KCNJ3: variants seen among roughly 807,000 people sequenced by gnomAD.
KCNJ3 encodes G protein-activated inward rectifier potassium channel 1.
In KCNJ3, 4 loss-of-function variants were observed where a neutral mutation model predicts 39.2. The observed-to-expected ratio is 0.10, with a 90% CI of 0.05 to 0.23. The LOEUF is 0.23. KCNJ3 is among the 10% of genes least tolerant of loss of function. The probability of loss-of-function intolerance (pLI) is 1.00; values close to 1 mark genes in which losing one functional copy is unlikely to be tolerated. For synonymous variants in KCNJ3, 230 were observed against 237.4 expected, an observed-to-expected ratio of 0.97 and a Z score of 0.29; for missense variants, 276 against 634.9, an observed-to-expected ratio of 0.43 and a Z score of 6.08.
intron 2 of KCNJ3, among the ~76,000 whole-genome samples, chr2:154,814,604 T>TCC (rs1342547672): frequency 1.3e-5 from 2 of 151,944 alleles, no homozygotes; most frequent in Non-Finnish European, 2.9e-5. Context: ...GCCACTGTGC[T>TCC]CCAGCCTGGG....
chr2:154,712,456 G>A lies in KCNJ3; in HGVS notation c.919+2637G>A, dbSNP rs554830630. On this transcript the variant is annotated intron_variant, in intron 2 of 2. Transcript: ENST00000295101. ...TTTCACTACTTTGTGAATAAAGTTA[G>A]CTGATGTAACTTTCTATCATATTTA... is the stretch of plus-strand genomic sequence containing the variant. Among the ~76,000 whole-genome samples the A allele has an allele frequency of 3.0e-3, 459 of 152,260 alleles. 2 individuals carry two copies. Among genetic ancestry groups the A allele is most frequent in the African/African-American group, 0.011 (442 of 41,540 alleles).
At chr2:154,735,339 T>A (rs113831020) in intron 2 of KCNJ3, among the ~76,000 whole-genome samples, 10,792 of 151,562 alleles carry the variant, frequency 0.071, 995 homozygotes, top group African/African-American at 0.21. Context: ...TGGTCTGGAT[T>A]TCCTGACCTC....
intron 2 of KCNJ3, among the ~76,000 whole-genome samples, chr2:154,846,996 A>G (rs966231575): frequency 2.0e-5 from 3 of 152,142 alleles, no homozygotes; most frequent in Non-Finnish European, 2.9e-5. Context: ...GCTTGTAAAT[A>G]ATAGAGGATA....
Position 154,699,627 on chromosome 2 carries a change from T to C in KCNJ3, c.702+150T>C. 1 of 1,179,110 alleles carries C rather than the reference T, an allele frequency of 8.5e-7. No individual in the cohort carries two copies. Among genetic ancestry groups the C allele is most frequent in the Non-Finnish European group, 1.2e-6 (1 of 864,332 alleles). The allele number at this position is 1,179,110 out of a possible 1,614,324, so 73.0% of individuals were successfully genotyped here. On this transcript the variant is annotated intron_variant, in intron 1 of 2. Coordinates refer to ENST00000295101, the MANE Select transcript of KCNJ3 (RefSeq NM_002239.4). This position sits in a 1 kb window ranked among gnomAD's most constrained non-coding sequence, Gnocchi z 6.4. Reference sequence around the variant, plus strand: ...TTTGGGGGGTTGGGGGTTGGAGGACTGGGCAAAGAATGCGGTTGACAGTTC... The same window carrying C: ...TTTGGGGGGTTGGGGGTTGGAGGACCGGGCAAAGAATGCGGTTGACAGTTC...
At chr2:154,848,644 A>G (rs1282875964) in intron 2 of KCNJ3, among the ~76,000 whole-genome samples, 1 of 152,196 alleles carries the variant, frequency 6.6e-6, no homozygotes, top group East Asian at 1.9e-4. Flanking sequence ...ATTGCATACA[A>G]TATCTCATAA....
chr2:154,821,120 G>T (rs1687165175), intron 2 of KCNJ3, among the ~76,000 whole-genome samples: 1 of 152,194 alleles, frequency 6.6e-6, no homozygotes, highest in African/African-American at 2.4e-5. Flanking sequence ...GCCCAGTCAA[G>T]CTGGCCCTCA....
At chr2:154,769,525 C>G (rs978658127) in intron 2 of KCNJ3, among the ~76,000 whole-genome samples, 4 of 152,124 alleles carry the variant, frequency 2.6e-5, no homozygotes, top group Non-Finnish European at 5.9e-5. Flanking sequence ...CCTTACATCC[C>G]ACGGATGAAG....
chr2:154,730,559 GT>G (rs1685432518), intron 2 of KCNJ3, among the ~76,000 whole-genome samples: 1 of 152,070 alleles, frequency 6.6e-6, no homozygotes, highest in African/African-American at 2.4e-5. Context: ...AAATTATTAG[GT>G]TTAGTGATTC....
At chr2:154,810,061 T>C (rs901963845) in intron 2 of KCNJ3, among the ~76,000 whole-genome samples, 21 of 106,666 alleles carry the variant, frequency 2.0e-4, no homozygotes, top group African/African-American at 5.8e-4. Context: ...TTAATATTGT[T>C]CCTCTCTCTC....
intron 2 of KCNJ3, among the ~76,000 whole-genome samples, chr2:154,710,877 T>C (rs3111020): frequency 0.53 from 80,655 of 151,848 alleles, 22,213 homozygotes; most frequent in African/African-American, 0.68. Flanking sequence ...AGAGGGAGGC[T>C]AGTCATTGTA....
intron 2 of KCNJ3, among the ~76,000 whole-genome samples, chr2:154,726,835 A>ACACACACACACACACC (rs1553455093): frequency 1.0e-5 from 1 of 98,186 alleles, no homozygotes; most frequent in African/African-American, 2.8e-5. Flanking sequence ...ACACACACAC[A>ACACACACACACACACC]TACACCATGG....
intron 2 of KCNJ3, among the ~76,000 whole-genome samples, chr2:154,797,355 A>G (rs1686737193): frequency 6.6e-6 from 1 of 152,196 alleles, no homozygotes; most frequent in African/African-American, 2.4e-5. Context: ...TGATACATGC[A>G]CAAATATACA....
chr2:154,810,763 T>C (rs1686995863), intron 2 of KCNJ3, among the ~76,000 whole-genome samples: 1 of 152,206 alleles, frequency 6.6e-6, no homozygotes, highest in South Asian at 2.1e-4. Context: ...AATTGAAGTA[T>C]TTATCTGAGC....
At chr2:154,756,479 G>C (rs1377553216) in intron 2 of KCNJ3, among the ~76,000 whole-genome samples, 1 of 152,066 alleles carries the variant, frequency 6.6e-6, no homozygotes, top group Non-Finnish European at 1.5e-5. Context: ...TTCATTAAAA[G>C]TGTTGTGTCC....
intron 2 of KCNJ3, among the ~76,000 whole-genome samples, chr2:154,727,331 A>G (rs1685376275): frequency 6.6e-6 from 1 of 152,026 alleles, no homozygotes; most frequent in South Asian, 2.1e-4. Flanking sequence ...CACGCCTGTA[A>G]TCCCAGCACT....
chr2:154,720,513 A>C (rs1377372647), intron 2 of KCNJ3, among the ~76,000 whole-genome samples: 5 of 152,018 alleles, frequency 3.3e-5, no homozygotes, highest in Non-Finnish European at 4.4e-5. Context: ...TAAGCCCTCA[A>C]TTTTATTTTA....
At chr2:154,703,154 A>G (rs967456161) in intron 1 of KCNJ3, among the ~76,000 whole-genome samples, 2 of 152,012 alleles carry the variant, frequency 1.3e-5, no homozygotes, top group Non-Finnish European at 2.9e-5. Context: ...ACTGTTCGAG[A>G]AATTACAAAT....
At chr2:154,759,490 T>C (rs1424245602) in intron 2 of KCNJ3, among the ~76,000 whole-genome samples, 1 of 152,084 alleles carries the variant, frequency 6.6e-6, no homozygotes, top group African/African-American at 2.4e-5. Flanking sequence ...CATCCAGATG[T>C]AATAGTTGTT....
At chr2:154,736,028 T>G (rs1453659158) in intron 2 of KCNJ3, among the ~76,000 whole-genome samples, 1 of 152,194 alleles carries the variant, frequency 6.6e-6, no homozygotes, top group Non-Finnish European at 1.5e-5. Context: ...GAGAGACTAC[T>G]CTGTCTCTAT....
Sources: allele counts gnomAD v4.1 joint callset (sites outside exome capture counted in the v4.1 genomes callset), GRCh38; gene constraint gnomAD v4.1.1; non-coding constraint Gnocchi (gnomAD v3.1); transcripts MANE v1.5; gene names NCBI Gene and HGNC (gene_info 2026-07-23, HGNC 2026-07-21).